ELP4: variants seen among roughly 807,000 people sequenced by gnomAD.
ELP4 encodes elongator complex protein 4.
Under a neutral mutation model 48.9 loss-of-function variants are expected in ELP4, and 51 were observed. That is an observed-to-expected ratio of 1.04 (90% CI 0.83 to 1.32). The LOEUF is 1.32. ELP4 is among the 40% of genes most tolerant of loss of function. ELP4 has a pLI of 0.00. For synonymous variants in ELP4, 210 were observed against 189.2 expected, an observed-to-expected ratio of 1.11 and a Z score of -0.90; for missense variants, 519 against 514.6, an observed-to-expected ratio of 1.01 and a Z score of -0.08.
chr11:31,784,204 T>A lies in ELP4; in HGVS notation c.*680T>A, dbSNP rs1452884349. The A allele has an allele frequency of 6.6e-6, 1 of 152,186 alleles. No individual in the cohort carries two copies. Among genetic ancestry groups the A allele is most frequent in the Non-Finnish European group, 1.5e-5 (1 of 68,022 alleles). 9.4% of individuals were successfully genotyped at this position (152,186 alleles called of 1,614,324 possible). On this transcript the variant is annotated 3_prime_UTR_variant, in exon 10 of 10. Coordinates refer to ENST00000640961, the MANE Select transcript of ELP4 (RefSeq NM_019040.5). ...TATGTCAACAGGCATCATTCAGGAT[T>A]GAAATTCAAACTGACAGCTACATTA...
intron 1 of ELP4, chr11:31,512,207 G>A (rs2133866239): frequency 6.6e-6 from 1 of 152,232 alleles, no homozygotes; most frequent in Non-Finnish European, 1.5e-5. Flanking sequence ...ATGTTATGGT[G>A]TTAGAACGGT....
intron 7 of ELP4, among the ~76,000 whole-genome samples, chr11:31,638,562 G>A (rs1945027549): frequency 1.3e-5 from 2 of 151,732 alleles, no homozygotes; most frequent in African/African-American, 2.4e-5. Flanking sequence ...GAGGGAGAAA[G>A]GGCCTTTTTA....
chr11:31,541,605 T>C (rs1411930040), intron 3 of ELP4: 2 of 152,214 alleles, frequency 1.3e-5, no homozygotes, highest in Non-Finnish European at 2.9e-5. Flanking sequence ...CTGTATATGC[T>C]TTTGAAAATA....
At chr11:31,583,419 G>C (rs991305825) in intron 3 of ELP4, among the ~76,000 whole-genome samples, 2 of 152,068 alleles carry the variant, frequency 1.3e-5, no homozygotes, top group African/African-American at 4.8e-5. Flanking sequence ...GTAGAGAAAT[G>C]ATAAACTCCA....
At chr11:31,632,464 G>T in intron 7 of ELP4, 59 bp downstream of exon 7, 4 of 1,364,260 alleles carry the variant, frequency 2.9e-6, no homozygotes, top group South Asian at 1.7e-5. Context: ...TGACATTGTG[G>T]TTTTAGTTTG....
chr11:31,726,112 C>A (rs902427557), intron 9 of ELP4, among the ~76,000 whole-genome samples: 1 of 152,058 alleles, frequency 6.6e-6, no homozygotes, highest in African/African-American at 2.4e-5. Flanking sequence ...AGGTTGAGAT[C>A]TGGAAAATTG....
chr11:31,582,122 C>G (rs1215397614), intron 3 of ELP4, among the ~76,000 whole-genome samples: 1 of 152,132 alleles, frequency 6.6e-6, no homozygotes, highest in Non-Finnish European at 1.5e-5. Context: ...CAAGACTTTC[C>G]AAACTCAAGT....
At chr11:31,662,313 T>G (rs1450076026) in intron 9 of ELP4, among the ~76,000 whole-genome samples, 1 of 152,118 alleles carries the variant, frequency 6.6e-6, no homozygotes, top group Non-Finnish European at 1.5e-5. Flanking sequence ...TCCAATCATT[T>G]CATTGGAAAT....
chr11:31,645,219 T>A (rs923484727), intron 7 of ELP4, among the ~76,000 whole-genome samples: 1 of 151,754 alleles, frequency 6.6e-6, no homozygotes, highest in African/African-American at 2.4e-5. Flanking sequence ...CATGAATGAG[T>A]TTCTGGAAAA....
intron 3 of ELP4, among the ~76,000 whole-genome samples, chr11:31,554,173 T>C (rs923615967): frequency 1.3e-5 from 2 of 152,216 alleles, no homozygotes; most frequent in African/African-American, 2.4e-5. Flanking sequence ...AATTATTTCA[T>C]TGTATATCAG....
At chr11:31,594,967 T>G in intron 4 of ELP4, 66 bp downstream of exon 4, 1 of 1,342,002 alleles carries the variant, frequency 7.5e-7, no homozygotes, top group Non-Finnish European at 1.0e-6. Flanking sequence ...ACAGAATCTC[T>G]TGTGGTATGC....
intron 9 of ELP4, chr11:31,727,727 C>G (rs1376554495): frequency 2.0e-5 from 3 of 152,080 alleles, no homozygotes; most frequent in Non-Finnish European, 4.4e-5. Context: ...AATAACTACT[C>G]GAATAATGAA....
intron 1 of ELP4, among the ~76,000 whole-genome samples, chr11:31,519,447 G>A (rs868557612): frequency 3.0e-4 from 45 of 152,132 alleles, no homozygotes; most frequent in Non-Finnish European, 1.2e-4. Context: ...AACATTATTG[G>A]AGTCCTTAAC....
chr11:31,719,977 A>T (rs1209201596), intron 9 of ELP4: 1 of 152,408 alleles, frequency 6.6e-6, no homozygotes, highest in Non-Finnish European at 1.5e-5. Flanking sequence ...ACCACTACAT[A>T]ATCACTGGAA....
intron 9 of ELP4, among the ~76,000 whole-genome samples, chr11:31,724,113 A>G (rs1388182778): frequency 6.6e-6 from 1 of 152,216 alleles, no homozygotes; most frequent in Non-Finnish European, 1.5e-5. Flanking sequence ...TAGCTAATTA[A>G]TGACAGAACT....
At chr11:31,724,783 C>G (rs1210500534) in intron 9 of ELP4, among the ~76,000 whole-genome samples, 1 of 152,216 alleles carries the variant, frequency 6.6e-6, no homozygotes. Context: ...TTCAAGTGTG[C>G]TTTGTAAAAT....
At chr11:31,655,579 G>A (rs1945416393) in intron 9 of ELP4, among the ~76,000 whole-genome samples, 2 of 151,954 alleles carry the variant, frequency 1.3e-5, no homozygotes, top group South Asian at 4.1e-4. Flanking sequence ...CATCAGCAGG[G>A]CAAGGTTTGG....
intron 3 of ELP4, among the ~76,000 whole-genome samples, chr11:31,571,523 G>T (rs561547116): frequency 1.3e-5 from 2 of 152,068 alleles, no homozygotes; most frequent in Admixed American, 6.6e-5. Flanking sequence ...ACCTCCTCTC[G>T]TGAATCATGA....
chr11:31,516,835 GT>G (rs1956121907), intron 1 of ELP4, among the ~76,000 whole-genome samples: 1 of 152,072 alleles, frequency 6.6e-6, no homozygotes, highest in Non-Finnish European at 1.5e-5. Flanking sequence ...TTCAGCTTAT[GT>G]TTATCTTTTC....
Sources: gnomAD v4.1 joint callset for allele counts (sites outside exome capture counted in the v4.1 genomes callset) on GRCh38, gnomAD v4.1.1 for gene constraint, MANE v1.5 for transcripts, NCBI Gene and HGNC (gene_info 2026-07-23, HGNC 2026-07-21) for gene names.